NRG1: variants seen among roughly 807,000 people sequenced by gnomAD.
NRG1 encodes the protein pro-neuregulin-1, membrane-bound isoform.
NRG1 carries 18 observed loss-of-function variants against 63.8 expected under a neutral mutation model. That is an observed-to-expected ratio of 0.28 (90% CI 0.19 to 0.42). The LOEUF (loss-of-function observed/expected upper bound fraction) is 0.42, where lower values mean the gene tolerates loss of function less well. NRG1 is among the 10% of genes least tolerant of loss of function. NRG1 has a pLI of 1.00. For missense variants in NRG1, 762 were observed against 814.7 expected (o/e 0.94, Z 0.79); for synonymous variants, 302 against 301.3 (o/e 1.00, Z -0.02).
intron 1 of NRG1, among the ~76,000 whole-genome samples, chr8:32,036,583 A>G (rs1039274085): frequency 3.3e-5 from 5 of 152,092 alleles, no homozygotes; most frequent in African/African-American, 9.7e-5. Context: ...CGGTAGGTTC[A>G]GTCTTTTAAC....
intron 1 of NRG1, among the ~76,000 whole-genome samples, chr8:31,928,649 T>TATAC (rs776284726): frequency 2.0e-5 from 3 of 148,148 alleles, no homozygotes; most frequent in African/African-American, 7.6e-5. Flanking sequence ...TATATATATA[T>TATAC]ACACACACAC....
intron 1 of NRG1, among the ~76,000 whole-genome samples, chr8:31,771,162 C>T (rs2345989): frequency 0.2 from 31,136 of 152,026 alleles, 4,315 homozygotes; most frequent in East Asian, 0.64. Flanking sequence ...TTGTCCTTTC[C>T]CCAACCTAAT....
intron 1 of NRG1, among the ~76,000 whole-genome samples, chr8:31,928,189 G>C (rs1834550192): frequency 6.6e-6 from 1 of 151,438 alleles, no homozygotes; most frequent in South Asian, 2.1e-4. Context: ...TCTGTGAAGG[G>C]GGTCTTTCTT....
intron 1 of NRG1, among the ~76,000 whole-genome samples, chr8:31,871,462 C>A (rs1040285333): frequency 5.3e-5 from 8 of 151,970 alleles, no homozygotes; most frequent in Non-Finnish European, 1.2e-4. Context: ...CAAGGGGAGC[C>A]ATTTATATTG....
chr8:31,980,273 A>G (rs1213354878), intron 1 of NRG1, among the ~76,000 whole-genome samples: 1 of 152,044 alleles, frequency 6.6e-6, no homozygotes, highest in Non-Finnish European at 1.5e-5. Flanking sequence ...AGAATCTTTC[A>G]GGAAATGTCC....
intron 1 of NRG1, among the ~76,000 whole-genome samples, chr8:32,463,262 A>C (rs1822561013): frequency 6.6e-6 from 1 of 152,156 alleles, no homozygotes; most frequent in South Asian, 2.1e-4. Context: ...ATGAACGTCA[A>C]AGTGCAGATA....
chr8:32,272,518 C>T (rs181745848), intron 1 of NRG1, among the ~76,000 whole-genome samples: 1 of 152,242 alleles, frequency 6.6e-6, no homozygotes, highest in Non-Finnish European at 1.5e-5. Context: ...GTTGCCTTGC[C>T]AGTCTCAGAA....
chr8:31,646,617 A>T (rs1804311091), intron 1 of NRG1, among the ~76,000 whole-genome samples: 1 of 152,226 alleles, frequency 6.6e-6, no homozygotes, highest in Non-Finnish European at 1.5e-5. Context: ...CATAGTTATA[A>T]CTACCACTTA....
At chr8:31,859,478 G>A (rs1828263713) in intron 1 of NRG1, among the ~76,000 whole-genome samples, 1 of 152,258 alleles carries the variant, frequency 6.6e-6, no homozygotes, top group Non-Finnish European at 1.5e-5. Context: ...CGTCCCCTGA[G>A]AGTATACCTA....
chr8:32,126,602 C>A (rs891701187), intron 1 of NRG1, among the ~76,000 whole-genome samples: 3 of 151,784 alleles, frequency 2.0e-5, no homozygotes, highest in African/African-American at 7.3e-5. Context: ...GTGAGACTTG[C>A]CCTGGCTGTC....
chr8:32,615,656 T>C (rs957748627), intron 4 of NRG1, among the ~76,000 whole-genome samples: 8 of 152,094 alleles, frequency 5.3e-5, no homozygotes, highest in Non-Finnish European at 7.4e-5. Context: ...TTTTTCCATC[T>C]TACCTCCATC....
intron 1 of NRG1, among the ~76,000 whole-genome samples, chr8:32,218,351 T>C (rs1463925580): frequency 6.6e-6 from 1 of 152,224 alleles, no homozygotes; most frequent in Non-Finnish European, 1.5e-5. Context: ...TGCTTCCATT[T>C]TCCATATGTC....
At chr8:32,107,640 C>T (rs10954828) in intron 1 of NRG1, among the ~76,000 whole-genome samples, 34,066 of 152,036 alleles carry the variant, frequency 0.22, 4,523 homozygotes, top group East Asian at 0.51. Context: ...TGTTCACATT[C>T]AGTGCTATGT....
intron 1 of NRG1, among the ~76,000 whole-genome samples, chr8:32,243,357 G>A (rs1460080783): frequency 6.6e-6 from 1 of 151,718 alleles, no homozygotes; most frequent in Non-Finnish European, 1.5e-5. Flanking sequence ...TTGAACCCAG[G>A]AGGCAGACGT....
At chr8:32,040,737 TGAAATTTAGGCGC>T (rs34347502) in intron 1 of NRG1, among the ~76,000 whole-genome samples, 14 of 15,062 alleles carry the variant, frequency 9.3e-4, no homozygotes, top group Admixed American at 1.0e-3. Flanking sequence ...TATATATATA[TGAAATTTAGGCGC>T]ATATATATAT....
intron 1 of NRG1, among the ~76,000 whole-genome samples, chr8:32,463,905 TTTTTTTTTGGGGGAGG>T (rs1822691230): frequency 1.3e-5 from 1 of 79,302 alleles, no homozygotes; most frequent in African/African-American, 5.5e-5. Context: ...TTTTTTTTTT[TTTTTTTTTGGGGGAGG>T]GTCTCATTCT....
At chr8:32,037,453 G>A (rs753107516) in intron 1 of NRG1, among the ~76,000 whole-genome samples, 2 of 152,326 alleles carry the variant, frequency 1.3e-5, no homozygotes, top group East Asian at 1.9e-4. Context: ...TCCTCTTGGC[G>A]GAGAGGGTGT....
intron 1 of NRG1, among the ~76,000 whole-genome samples, chr8:31,760,168 T>C (rs2131509863): frequency 6.6e-6 from 1 of 152,166 alleles, no homozygotes; most frequent in Middle Eastern, 3.4e-3. Context: ...TCTTCTAGGG[T>C]TTTTATGGTT....
chr8:32,140,067 C>T (rs1466018227), intron 1 of NRG1, among the ~76,000 whole-genome samples: 2 of 152,096 alleles, frequency 1.3e-5, no homozygotes, highest in Admixed American at 1.3e-4. Flanking sequence ...TGAGAGGTGC[C>T]TTAGGGACCC....
Sources: allele counts gnomAD v4.1 joint callset (sites outside exome capture counted in the v4.1 genomes callset), GRCh38; gene constraint gnomAD v4.1.1; transcripts MANE v1.5; gene names NCBI Gene and HGNC (gene_info 2026-07-23, HGNC 2026-07-21).